SHANK2: variants seen among roughly 807,000 people sequenced by gnomAD.
SHANK2 encodes the protein SH3 and multiple ankyrin repeat domains protein 2.
Under a neutral mutation model 133.7 loss-of-function variants are expected in SHANK2, and 43 were observed. The ratio of observed to expected loss-of-function variants is 0.32; its 90% CI spans 0.25 to 0.41. The LOEUF is 0.41. Among genes scored for constraint, SHANK2 ranks in the 10% least tolerant of loss-of-function variants. The pLI is 1.00. For synonymous variants in SHANK2, 1,017 were observed against 952.8 expected (o/e 1.07, Z -1.24); for missense variants, 1,994 against 2,235.8 (o/e 0.89, Z 2.18).
chr11:71,116,885 C>T (rs1555100483), intron 4 of SHANK2, among the ~76,000 whole-genome samples: 2 of 152,344 alleles, frequency 1.3e-5, no homozygotes, highest in African/African-American at 4.8e-5. Context: ...AACATCTGCT[C>T]CTGCTTTGCC....
intron 13 of SHANK2, among the ~76,000 whole-genome samples, chr11:70,799,054 C>A (rs537696504): frequency 3.3e-5 from 5 of 152,172 alleles, no homozygotes; most frequent in Non-Finnish European, 7.3e-5. Context: ...AAAGAAAATC[C>A]ACCTGCCCGG....
At chr11:71,090,381 TGTGTCC>T in intron 8 of SHANK2, among the ~76,000 whole-genome samples, 3 of 88,190 alleles carry the variant, frequency 3.4e-5, no homozygotes, top group African/African-American at 1.4e-4. Flanking sequence ...TGTGTGTGTG[TGTGTCC>T]CCTGCTGCTT....
rs2060019427 is a variant in SHANK2 at position 70,569,685 on chromosome 11, A to T, written c.2062-66754T>A. Among the ~76,000 whole-genome samples the T allele has an allele frequency of 6.6e-6, 1 of 151,874 alleles. No individual in the cohort carries two copies. On this transcript the variant is annotated intron_variant, in intron 17 of 25. Coordinates refer to ENST00000601538, the MANE Select transcript of SHANK2 (RefSeq NM_012309.5). The surrounding 1 kb of genome is among the most constrained non-coding windows in gnomAD (Gnocchi z 5.1). ...GGTTCCCGTTTCCCAGGCCACAGTGATTGGTTGAGGGATGGTCATCCAGGC... is the reference window on the plus strand; with the variant it reads ...GGTTCCCGTTTCCCAGGCCACAGTGTTTGGTTGAGGGATGGTCATCCAGGC...
chr11:70,780,091 G>T (rs1947449653), intron 14 of SHANK2, among the ~76,000 whole-genome samples: 1 of 152,200 alleles, frequency 6.6e-6, no homozygotes, highest in South Asian at 2.1e-4. Context: ...GAGAAATCAG[G>T]CCAAGAGATG....
chr11:70,935,001 C>T (rs954516113), intron 10 of SHANK2, among the ~76,000 whole-genome samples: 14 of 152,172 alleles, frequency 9.2e-5, no homozygotes, highest in African/African-American at 2.4e-4. Flanking sequence ...CCTCTCTCCA[C>T]GGGTAAACGG....
At chr11:71,172,937 A>G (rs901733256) in intron 2 of SHANK2, among the ~76,000 whole-genome samples, 7 of 152,188 alleles carry the variant, frequency 4.6e-5, no homozygotes, top group Admixed American at 2.0e-4. Flanking sequence ...TCCTTCAAAG[A>G]CACTCTCGTG....
intron 11 of SHANK2, among the ~76,000 whole-genome samples, chr11:70,839,666 G>A (rs1948873759): frequency 6.6e-6 from 1 of 152,202 alleles, no homozygotes; most frequent in South Asian, 2.1e-4. Flanking sequence ...CAGGAGGCTG[G>A]AAGTGAAGGT....
At chr11:70,835,341 T>C (rs2080930055) in intron 11 of SHANK2, among the ~76,000 whole-genome samples, 1 of 152,118 alleles carries the variant, frequency 6.6e-6, no homozygotes, top group Non-Finnish European at 1.5e-5. Flanking sequence ...TGCTGAGACG[T>C]GCTCCGCCAG....
chr11:70,931,537 C>T (rs782334905), intron 10 of SHANK2, among the ~76,000 whole-genome samples: 5 of 152,172 alleles, frequency 3.3e-5, no homozygotes, highest in East Asian at 1.9e-4. Context: ...AAAGGGAAAC[C>T]GAAGAGGCTA....
intron 3 of SHANK2, among the ~76,000 whole-genome samples, chr11:71,141,319 C>T (rs1287972982): frequency 6.7e-6 from 1 of 149,616 alleles, no homozygotes; most frequent in African/African-American, 2.5e-5. Flanking sequence ...ATGGTGAAAC[C>T]CCCTCTCTAC....
intron 10 of SHANK2, among the ~76,000 whole-genome samples, chr11:70,916,760 G>C (rs1950277111): frequency 6.6e-6 from 1 of 152,148 alleles, no homozygotes; most frequent in South Asian, 2.1e-4. Context: ...CTGAAAGCTT[G>C]CAGGTATCCA....
intron 3 of SHANK2, among the ~76,000 whole-genome samples, chr11:71,138,324 C>T (rs528770818): frequency 6.2e-4 from 95 of 152,336 alleles, no homozygotes; most frequent in African/African-American, 2.3e-3. Flanking sequence ...TAGGCTCAGA[C>T]GTTGCCAGCA....
chr11:71,218,037 A>G (rs1555120308), intron 2 of SHANK2, among the ~76,000 whole-genome samples: 1 of 151,762 alleles, frequency 6.6e-6, no homozygotes, highest in Non-Finnish European at 1.5e-5. Flanking sequence ...TTTTTAGAAG[A>G]AAGAGGGTTT....
chr11:70,661,900 G>T (rs1591720422), intron 15 of SHANK2: 3 of 1,271,606 alleles, frequency 2.4e-6, no homozygotes, highest in East Asian at 4.7e-5. Flanking sequence ...GACTTGCAGG[G>T]TGGGGGCAGG....
rs1249531817 is a variant in SHANK2 at position 71,086,320 on chromosome 11, GTTATA to G, written c.912+6097_912+6101del. Among the ~76,000 whole-genome samples the G allele has an allele frequency of 1.0e-3, 120 of 116,272 alleles. 2 individuals are homozygous for G. The highest frequency in any genetic ancestry group is 4.9e-3 in the Middle Eastern group (1 of 204). 76.3% of individuals were successfully genotyped at this position (116,272 alleles called of 152,430 possible). A position where few individuals can be genotyped will look rare whatever the true frequency, so the allele number is the denominator to read the frequency against. On this transcript the variant is annotated intron_variant, in intron 8 of 25. Transcript: ENST00000601538. ...AGATGTTATATAAGATATAGTATAT[GTTATA>G]TTATATATGTTATATAAGATATAGT...
At chr11:70,750,033 C>T (rs1204703251) in intron 14 of SHANK2, among the ~76,000 whole-genome samples, 2 of 152,210 alleles carry the variant, frequency 1.3e-5, no homozygotes, top group African/African-American at 4.8e-5. Flanking sequence ...AGTACACACA[C>T]CACACTCTGT....
chr11:71,191,401 G>C (rs142304077), intron 2 of SHANK2, among the ~76,000 whole-genome samples: 1 of 151,976 alleles, frequency 6.6e-6, no homozygotes, highest in Non-Finnish European at 1.5e-5. Flanking sequence ...GCTGGAGTCC[G>C]CACAGGGCTG....
intron 17 of SHANK2, among the ~76,000 whole-genome samples, chr11:70,625,691 C>A (rs1434246700): frequency 6.6e-6 from 1 of 151,716 alleles, no homozygotes; most frequent in Non-Finnish European, 1.5e-5. Context: ...TGAGCCAGTC[C>A]CTGCACTCTC....
rs560930681 is a variant in SHANK2, at chr11:71,105,321, G to A, written c.592+4620C>T. 9.9e-4 allele frequency among the ~76,000 whole-genome samples: 151 copies of A among 152,172 alleles called. 1 individual carries two copies. Among genetic ancestry groups the A allele is most frequent in the African/African-American group, 3.5e-3 (144 of 41,518 alleles). The stretch of plus-strand genomic sequence containing the variant: ...TGAAAAGGTCAGCAAGGTTGAGTGC[G>A]GTGGCTCACACCTGTAATCCCAGCA... On this transcript the variant is annotated intron_variant, in intron 6 of 25. Coordinates refer to ENST00000601538, the MANE Select transcript of SHANK2 (RefSeq NM_012309.5).
Sources: allele counts gnomAD v4.1 joint callset (sites outside exome capture counted in the v4.1 genomes callset), GRCh38; gene constraint gnomAD v4.1.1; non-coding constraint Gnocchi (gnomAD v3.1); transcripts MANE v1.5; gene names NCBI Gene and HGNC (gene_info 2026-07-23, HGNC 2026-07-21).